The following CBX5 variants were observed in gnomAD, a reference collection of about 807,000 sequenced individuals.
CBX5 encodes chromobox 5.
CBX5 carries 7 observed loss-of-function variants against 20.7 expected under a neutral mutation model. The ratio of observed to expected loss-of-function variants is 0.34; its 90% CI spans 0.19 to 0.63. The LOEUF (loss-of-function observed/expected upper bound fraction) is 0.63. CBX5 is among the 30% of genes least tolerant of loss of function. The probability of loss-of-function intolerance (pLI) is 0.75; values close to 1 mark genes in which losing one functional copy is unlikely to be tolerated. For missense variants in CBX5, 110 were observed against 224.1 expected (o/e 0.49, Z 3.25); for synonymous variants, 78 against 77.0 (o/e 1.01, Z -0.07).
intron 1 of CBX5, chr12:54,262,674 T>C (rs960210893): frequency 6.5e-6 from 1 of 152,682 alleles, no homozygotes; most frequent in Non-Finnish European, 1.5e-5. Context: ...TAATTCTCTT[T>C]TAGACAGTGT....
chr12:54,248,961 G>A (rs547170801), intron 3 of CBX5, among the ~76,000 whole-genome samples: 1 of 152,290 alleles, frequency 6.6e-6, no homozygotes, highest in African/African-American at 2.4e-5. Context: ...ACATTATGAT[G>A]TAAGGGACAT....
At chr12:54,263,595 C>T (rs1222113594) in intron 1 of CBX5, among the ~76,000 whole-genome samples, 2 of 150,498 alleles carry the variant, frequency 1.3e-5, no homozygotes, top group African/African-American at 4.9e-5. Context: ...ATTAGTCAGG[C>T]GTGGTGTAAT....
chr12:54,263,190 G>A (rs1176115945), intron 1 of CBX5, among the ~76,000 whole-genome samples: 1 of 151,914 alleles, frequency 6.6e-6, no homozygotes, highest in African/African-American at 2.4e-5. Flanking sequence ...GTGAAACCCT[G>A]TCTCTACTAA....
chr12:54,273,788 A>C (rs1944033342), intron 1 of CBX5: 1 of 152,206 alleles, frequency 6.6e-6, no homozygotes, highest in Non-Finnish European at 1.5e-5. Flanking sequence ...CTGGGCTCCA[A>C]AATTTTGAGA....
At chr12:54,246,520 G>A (rs531508822) in intron 3 of CBX5, among the ~76,000 whole-genome samples, 3 of 152,156 alleles carry the variant, frequency 2.0e-5, no homozygotes, top group South Asian at 4.2e-4. Context: ...GGTGGCTCAC[G>A]CCTGTAATCT....
intron 1 of CBX5, among the ~76,000 whole-genome samples, chr12:54,274,697 T>C (rs1196381045): frequency 6.6e-6 from 1 of 152,102 alleles, no homozygotes; most frequent in Non-Finnish European, 1.5e-5. Context: ...TCTAACACTT[T>C]GGGAGGCCGA....
chr12:54,275,592 C>T (rs528972486), intron 1 of CBX5, among the ~76,000 whole-genome samples: 7 of 152,170 alleles, frequency 4.6e-5, no homozygotes, highest in African/African-American at 1.4e-4. Context: ...TAATTAGAGG[C>T]CCAACACGTA....
At chr12:54,269,263 A>AAAAT (rs755257707) in intron 1 of CBX5, among the ~76,000 whole-genome samples, 2 of 152,158 alleles carry the variant, frequency 1.3e-5, no homozygotes, top group Non-Finnish European at 2.9e-5. Flanking sequence ...GATCCTTCTC[A>AAAAT]AAATAAATAA....
chr12:54,264,300 G>C (rs1565873016), intron 1 of CBX5, among the ~76,000 whole-genome samples: 1 of 151,974 alleles, frequency 6.6e-6, no homozygotes, highest in Non-Finnish European at 1.5e-5. Context: ...GGACCACAGG[G>C]GCACGCCACC....
In CBX5 at chr12:54,240,930, TATG is replaced by T. The variant is rs1214115228; in HGVS notation, c.*822_*824del. The T allele has an allele frequency of 1.3e-5, 2 of 152,180 alleles. No homozygotes were observed. The highest frequency in any genetic ancestry group is 2.1e-4 in the South Asian group (1 of 4,834). The allele number at this position is 152,180 out of a possible 1,614,324, so 9.4% of individuals were successfully genotyped here. On this transcript the variant is annotated 3_prime_UTR_variant, in exon 5 of 5. Transcript: ENST00000209875. ...AAAGAAATCATACATACATACCATA[TATG>T]ATAATAAAGACAATTGTACCCTACC...
rs1407729542 is a variant in CBX5, at chr12:54,233,967, G to A, written c.*7788C>T. 1 of 151,970 alleles carries A rather than the reference G, an allele frequency of 6.6e-6. No homozygotes were observed. Among genetic ancestry groups the A allele is most frequent in the Non-Finnish European group, 1.5e-5 (1 of 68,094 alleles). 9.4% of individuals were successfully genotyped at this position (151,970 alleles called of 1,614,324 possible). A position where few individuals can be genotyped will look rare whatever the true frequency, so the allele number is the denominator to read the frequency against. Reference sequence around the variant, plus strand: ...AGTGGCCGAGGCAGGCGGATCACAAGGTCAGGAGTTCAAGACCAGCACGGC... The same window carrying A: ...AGTGGCCGAGGCAGGCGGATCACAAAGTCAGGAGTTCAAGACCAGCACGGC... On this transcript the variant is annotated 3_prime_UTR_variant, in exon 5 of 5. Coordinates refer to ENST00000209875, the MANE Select transcript of CBX5 (RefSeq NM_012117.3).
At chr12:54,244,493 G>A (rs1432896141) in intron 4 of CBX5, among the ~76,000 whole-genome samples, 1 of 151,578 alleles carries the variant, frequency 6.6e-6, no homozygotes, top group Non-Finnish European at 1.5e-5. Flanking sequence ...ATCCCAGCAC[G>A]TTGGGAGGCC....
At chr12:54,247,473 G>A (rs1422517922) in intron 3 of CBX5, among the ~76,000 whole-genome samples, 1 of 152,174 alleles carries the variant, frequency 6.6e-6, no homozygotes, top group Non-Finnish European at 1.5e-5. Flanking sequence ...CAAGCCTGCA[G>A]TGAGCTATGA....
In CBX5 at chr12:54,237,523, C is replaced by T. The variant is rs573687586; in HGVS notation, c.*4232G>A. 1.3e-5 allele frequency: 2 copies of T among 152,748 alleles called. No homozygotes were observed. Among genetic ancestry groups the T allele is most frequent in the African/African-American group, 2.4e-5 (1 of 41,552 alleles). The allele number at this position is 152,748 out of a possible 1,614,324, so 9.5% of individuals were successfully genotyped here. A position where few individuals can be genotyped will look rare whatever the true frequency, so the allele number is the denominator to read the frequency against. On this transcript the variant is annotated 3_prime_UTR_variant, in exon 5 of 5. Transcript: ENST00000209875. Reference sequence around the variant, plus strand: ...GGCCTACATCAAATGAATAAGACTTCGATTTTTGATACCAACAATGTCCCC... The same window carrying T: ...GGCCTACATCAAATGAATAAGACTTTGATTTTTGATACCAACAATGTCCCC...
At position 54,252,153 on chromosome 12, in the gene CBX5, T is replaced by C; in HGVS notation, c.212A>G (p.Lys71Arg). The C allele has an allele frequency of 6.2e-7, 1 of 1,611,304 alleles. No homozygotes were observed. The highest frequency in any genetic ancestry group is 8.5e-7 in the Non-Finnish European group (1 of 1,179,118). Residue 71 changes from lysine to arginine, a missense_variant, in exon 3 of 5, where the codon AAG (lysine) becomes AGG (arginine). By Grantham distance (26) the Lys-to-Arg change is conservative. Coordinates refer to ENST00000209875, the MANE Select transcript of CBX5 (RefSeq NM_012117.3). ...ELISEFMKKY[K>R]KMKEGENNKP... Reference sequence around the variant, plus strand: ...ATTATTTTCACCCTCCTTCATCTTCTTATACTTTTTCATAAATTCAGAAAT... The same window carrying C: ...ATTATTTTCACCCTCCTTCATCTTCCTATACTTTTTCATAAATTCAGAAAT...
intron 1 of CBX5, chr12:54,273,775 C>T (rs1177142783): frequency 6.6e-6 from 1 of 152,200 alleles, no homozygotes; most frequent in African/African-American, 2.4e-5. Context: ...TGATTGCAGA[C>T]TTCTGGGCTC....
chr12:54,243,254 G>A (rs1360601028), intron 4 of CBX5, among the ~76,000 whole-genome samples: 2 of 152,058 alleles, frequency 1.3e-5, no homozygotes, highest in Admixed American at 6.5e-5. Context: ...AATGTAAATT[G>A]TAAGTAACCA....
chr12:54,270,941 C>T (rs1199769068), intron 1 of CBX5, among the ~76,000 whole-genome samples: 1 of 152,174 alleles, frequency 6.6e-6, no homozygotes, highest in East Asian at 1.9e-4. Context: ...GCCAGTGGTC[C>T]CAGCTTTTCA....
At chr12:54,242,524 CAAA>C (rs34124128) in intron 4 of CBX5, among the ~76,000 whole-genome samples, 11 of 76,938 alleles carry the variant, frequency 1.4e-4, no homozygotes, top group African/African-American at 9.7e-5. Context: ...GACTCCGTCT[CAAA>C]AAAAAAAAAA....
Sources: allele counts gnomAD v4.1 joint callset (sites outside exome capture counted in the v4.1 genomes callset), GRCh38; gene constraint gnomAD v4.1.1; transcripts MANE v1.5; gene names NCBI Gene and HGNC (gene_info 2026-07-23, HGNC 2026-07-21).